Variants in PDE4D observed in about 807,000 individuals in gnomAD.
PDE4D encodes the protein phosphodiesterase 4D, also known as 3',5'-cyclic-AMP phosphodiesterase 4D.
Under a neutral mutation model 87.4 loss-of-function variants are expected in PDE4D, and 24 were observed. The observed-to-expected ratio is 0.27, with a 90% confidence interval of 0.20 to 0.39. The LOEUF is 0.39. Ranked by LOEUF, PDE4D falls within the 10% of genes least tolerant of loss-of-function variation. The probability of loss-of-function intolerance (pLI) is 1.00; values close to 1 mark genes in which losing one functional copy is unlikely to be tolerated. For synonymous variants in PDE4D, 384 were observed against 383.2 expected (o/e 1.00, Z -0.02); for missense variants, 714 against 1,041.0 (o/e 0.69, Z 4.32).
At chr5:59,796,825 T>C (rs1766536660) in intron 1 of PDE4D, among the ~76,000 whole-genome samples, 1 of 152,158 alleles carries the variant, frequency 6.6e-6, no homozygotes, top group Non-Finnish European at 1.5e-5. Context: ...AATGCAAGAA[T>C]ATGGATATCC....
intron 1 of PDE4D, among the ~76,000 whole-genome samples, chr5:59,573,026 A>G (rs1262887817): frequency 2.0e-5 from 3 of 152,140 alleles, no homozygotes; most frequent in African/African-American, 7.2e-5. Flanking sequence ...TGATCCATCA[A>G]ATTGTTTATC....
chr5:59,379,325 AAT>A (rs1357422284), intron 1 of PDE4D, among the ~76,000 whole-genome samples: 1 of 152,188 alleles, frequency 6.6e-6, no homozygotes, highest in East Asian at 1.9e-4. Flanking sequence ...AGAATGCAAA[AAT>A]AGTTTTCTGT....
intron 1 of PDE4D, among the ~76,000 whole-genome samples, chr5:60,506,312 A>G (rs536215974): frequency 6.6e-6 from 1 of 152,360 alleles, no homozygotes; most frequent in South Asian, 2.1e-4. Flanking sequence ...TGCATACCCT[A>G]TGTATGCACA....
At chr5:60,464,392 CCTT>C (rs1333933942) in intron 1 of PDE4D, among the ~76,000 whole-genome samples, 1 of 152,150 alleles carries the variant, frequency 6.6e-6, no homozygotes. Flanking sequence ...AAAAATCCCT[CCTT>C]AACAGTAGAG....
At chr5:59,576,708 G>A (rs1823223087) in intron 1 of PDE4D, among the ~76,000 whole-genome samples, 1 of 152,134 alleles carries the variant, frequency 6.6e-6, no homozygotes, top group South Asian at 2.1e-4. Flanking sequence ...GAAGCAAAAG[G>A]TTGTGTGCAG....
intron 1 of PDE4D, among the ~76,000 whole-genome samples, chr5:59,372,784 CT>C (rs1426252430): frequency 1.3e-5 from 2 of 152,238 alleles, no homozygotes; most frequent in African/African-American, 4.8e-5. Context: ...CCCACTAGCA[CT>C]TCACTGCAGC....
At chr5:59,548,949 TA>T (rs1360658649) in intron 1 of PDE4D, among the ~76,000 whole-genome samples, 1 of 152,104 alleles carries the variant, frequency 6.6e-6, no homozygotes, top group Non-Finnish European at 1.5e-5. Context: ...AAATAGGAGT[TA>T]GGGGTGGCTG....
chr5:59,873,045 G>T (rs1294894556), intron 1 of PDE4D, among the ~76,000 whole-genome samples: 1 of 152,026 alleles, frequency 6.6e-6, no homozygotes, highest in Non-Finnish European at 1.5e-5. Flanking sequence ...ACCTTTCTGG[G>T]GCTGAAACGC....
chr5:60,423,720 C>T (rs1414859730), intron 1 of PDE4D, among the ~76,000 whole-genome samples: 1 of 151,952 alleles, frequency 6.6e-6, no homozygotes, highest in Non-Finnish European at 1.5e-5. Flanking sequence ...GAGATAGAGA[C>T]ACACAAAAAA....
At chr5:59,670,631 G>A (rs547101443) in intron 1 of PDE4D, among the ~76,000 whole-genome samples, 19 of 151,988 alleles carry the variant, frequency 1.3e-4, no homozygotes, top group Non-Finnish European at 2.8e-4. Flanking sequence ...AAATTCAAAG[G>A]TTGAAACACT....
intron 6 of PDE4D, among the ~76,000 whole-genome samples, chr5:59,037,796 A>T (rs999862337): frequency 5.9e-5 from 9 of 151,944 alleles, no homozygotes; most frequent in African/African-American, 2.2e-4. Context: ...TTTTGTAAAA[A>T]CTGCATGAGA....
At chr5:59,276,533 G>A (rs1764854854) in intron 1 of PDE4D, among the ~76,000 whole-genome samples, 1 of 152,120 alleles carries the variant, frequency 6.6e-6, no homozygotes, top group Admixed American at 6.5e-5. Context: ...ATGCTTTGGA[G>A]TTGGTTGTAG....
intron 5 of PDE4D, among the ~76,000 whole-genome samples, chr5:59,178,461 A>T (rs981030865): frequency 6.6e-6 from 1 of 152,172 alleles, no homozygotes; most frequent in Non-Finnish European, 1.5e-5. Flanking sequence ...TCTGTGGCTC[A>T]TAATTCCCTC....
chr5:59,364,839 A>T lies in PDE4D; in HGVS notation c.456-148871T>A, dbSNP rs1169286253. On this transcript the variant is annotated intron_variant, in intron 1 of 14. Coordinates refer to ENST00000340635, the MANE Select transcript of PDE4D (RefSeq NM_001104631.2). ...CTTCCTCCCTCTCTCTTGCCCACCC[A>T]CCTACCTTCCTTCCTTCCTTCCTAC... 2.0e-5 allele frequency among the ~76,000 whole-genome samples: 3 copies of T among 150,876 alleles called. No homozygotes were observed. In the East Asian group the frequency reaches 5.8e-4, roughly 29 times the overall value.
chr5:59,774,071 T>C (rs923607728), intron 1 of PDE4D, among the ~76,000 whole-genome samples: 2 of 152,126 alleles, frequency 1.3e-5, no homozygotes, highest in African/African-American at 4.8e-5. Flanking sequence ...ATGAGAGGTT[T>C]GGAGAGATAG....
At chr5:60,063,148 AAG>A (rs1491479465) in intron 2 of PDE4D, among the ~76,000 whole-genome samples, 23 of 151,062 alleles carry the variant, frequency 1.5e-4, no homozygotes, top group South Asian at 1.3e-3. Flanking sequence ...GAAAGAAAGA[AAG>A]AAAGAAGGAA....
rs563923612 is a variant in PDE4D at position 60,511,891 on chromosome 5, C to T, written n.70+10160G>A. On this transcript the variant is annotated intron_variant and non_coding_transcript_variant, in intron 1 of 2. Coordinates refer to the PDE4D transcript ENST00000506510. Reference sequence around the variant, plus strand: ...TCATATTTCAAGCACTCTATTAATGCTAAAAGAATTTAATATTGTATCCAA... The same window carrying T: ...TCATATTTCAAGCACTCTATTAATGTTAAAAGAATTTAATATTGTATCCAA... Among the ~76,000 whole-genome samples the T allele has an allele frequency of 1.2e-4, 19 of 152,100 alleles. No homozygotes were observed. The South Asian group carries it at 3.1e-3, about 25-fold the overall frequency.
chr5:59,956,530 C>A (rs950876021), intron 3 of PDE4D, among the ~76,000 whole-genome samples: 1 of 152,226 alleles, frequency 6.6e-6, no homozygotes. Context: ...CAGCAGGCCC[C>A]TGTGTGCTTG....
At chr5:59,522,011 T>C (rs575086556) in intron 1 of PDE4D, among the ~76,000 whole-genome samples, 18 of 152,344 alleles carry the variant, frequency 1.2e-4, no homozygotes, top group African/African-American at 3.1e-4. Flanking sequence ...ACAGCTTTCA[T>C]TGAGATTTAA....
Sources: allele counts gnomAD v4.1 joint callset (sites outside exome capture counted in the v4.1 genomes callset), GRCh38; gene constraint gnomAD v4.1.1; transcripts MANE v1.5; gene names NCBI Gene and HGNC (gene_info 2026-07-23, HGNC 2026-07-21).